The following COL3A1 variants were observed in gnomAD, a reference collection of about 807,000 sequenced individuals.
COL3A1 encodes the protein collagen alpha-1(III) chain.
Under a neutral mutation model 200.9 loss-of-function variants are expected in COL3A1, and 46 were observed. The observed-to-expected ratio is 0.23, with a 90% CI of 0.18 to 0.29. COL3A1 has a LOEUF of 0.29. Ranked by LOEUF, COL3A1 falls within the 10% of genes least tolerant of loss-of-function variation. The pLI, the probability that COL3A1 is intolerant of heterozygous loss-of-function variation, is 1.00. For missense variants in COL3A1, 1,367 were observed against 1,917.6 expected (o/e 0.71, Z 5.36); for synonymous variants, 650 against 628.0 (o/e 1.03, Z -0.52).
chr2:189,008,270 A>G, intron 47 of COL3A1, 128 bp downstream of exon 47: 1 of 810,104 alleles, frequency 1.2e-6, no homozygotes. Flanking sequence ...AAACTGAACA[A>G]TGACTTTAAG....
chr2:188,999,804 A>C, intron 31 of COL3A1, 38 bp from the exon 32 acceptor site: 1 of 1,577,300 alleles, frequency 6.3e-7, no homozygotes, highest in Non-Finnish European at 8.6e-7. Context: ...TTCACTGAAG[A>C]TACTTTGAAT....
Position 188,984,918 on chromosome 2 carries a change from C to T in COL3A1, c.238C>T (p.Pro80Ser). 1 of 1,613,100 alleles carries T rather than the reference C, an allele frequency of 6.2e-7. No individual in the cohort carries two copies. The highest frequency in any genetic ancestry group is 8.5e-7 in the Non-Finnish European group (1 of 1,179,392). Residue 80 changes from proline (P) to serine (S), a missense_variant, in exon 2 of 51, where the codon CCA becomes TCA. Physicochemically the swap from Pro to Ser is moderately conservative, Grantham distance 74. Around this residue, in one of 5 missense-constraint regions of COL3A1, gnomAD observed 462 missense variants for 681.4 expected, o/e 0.68. Coordinates refer to ENST00000304636, the MANE Select transcript of COL3A1 (RefSeq NM_000090.4). ...ATTAGACTGCCCCAACCCAGAAATT[C>T]CATTTGGAGAATGTTGTGCAGTTTG... ...QELDCPNPEI[P>S]FGECCAVCPQ...
At chr2:188,978,130 C>T (rs1687863536) in intron 1 of COL3A1, 1 of 319,758 alleles carries the variant, frequency 3.1e-6, no homozygotes, top group South Asian at 2.5e-5. Flanking sequence ...ATGTTGAATA[C>T]TCTTTAAGTG....
Position 188,974,507 on chromosome 2 carries a change from A to C in COL3A1, c.18A>C (p.Gln6His), listed in dbSNP as rs892404442. 6 of 1,614,030 alleles carry C rather than the reference A, an allele frequency of 3.7e-6. No homozygotes were observed. Among genetic ancestry groups the C allele is most frequent in the Admixed American group, 1.7e-5 (1 of 60,016 alleles). Residue 6 changes from glutamine (Q) to histidine (H), a missense_variant, in exon 1 of 51, where the codon CAA becomes CAC. Coordinates refer to ENST00000304636, the MANE Select transcript of COL3A1 (RefSeq NM_000090.4). ...ATTTAGACATGATGAGCTTTGTGCA[A>C]AAGGGGAGCTGGCTACTTCTCGCTC... The part of the protein sequence containing the change: MMSFV[Q>H]KGSWLLLALL...
At position 188,991,739 on chromosome 2, in the gene COL3A1, A is replaced by G; in HGVS notation, c.951+17A>G. On this transcript the variant is annotated intron_variant, in intron 13 of 50. Transcript: ENST00000304636. ...GGGGCTGCAGTGAGTATAGCTGCTA[A>G]CATCACACAATTACAACCCAAAGTG... 1 of 1,613,356 alleles carries G rather than the reference A, an allele frequency of 6.2e-7. No homozygotes were observed. The highest frequency in any genetic ancestry group is 8.5e-7 in the Non-Finnish European group (1 of 1,179,390).
intron 1 of COL3A1, among the ~76,000 whole-genome samples, chr2:188,978,777 G>C (rs751448493): frequency 3.0e-5 from 3 of 99,844 alleles, no homozygotes; most frequent in Non-Finnish European, 6.2e-5. Context: ...AAAAAAAAAA[G>C]ATCATATAGT....
At chr2:188,988,526 A>G (rs1258334538) in intron 6 of COL3A1, 64 bp from the exon 7 acceptor site, 1 of 1,140,244 alleles carries the variant, frequency 8.8e-7, no homozygotes, top group Admixed American at 1.8e-5. Flanking sequence ...CTTACTGTCA[A>G]GATGTAAATG....
intron 37 of COL3A1, 58 bp downstream of exon 37, chr2:189,003,522 A>G (rs1688518096): frequency 3.9e-6 from 6 of 1,538,090 alleles, no homozygotes; most frequent in Middle Eastern, 1.7e-4. Context: ...CAACCTGTAT[A>G]AAAGCTGCAT....
chr2:189,003,903 T>C (rs750657364), intron 38 of COL3A1, 79 bp from the exon 39 acceptor site: 4 of 1,574,966 alleles, frequency 2.5e-6, no homozygotes, highest in Non-Finnish European at 2.6e-6. Flanking sequence ...TCAAATAAAA[T>C]TATTTGAAGT....
rs933011142 is a variant in COL3A1, at chr2:189,008,294, C to T, written c.3525+152C>T. 1.2e-5 allele frequency: 9 copies of T among 733,522 alleles called. No homozygotes were observed. In the African/African-American group the frequency reaches 1.4e-4, roughly 11 times the overall value. 45.4% of individuals were successfully genotyped at this position (733,522 alleles called of 1,614,324 possible). On this transcript the variant is annotated intron_variant, in intron 47 of 50. Coordinates refer to ENST00000304636, the MANE Select transcript of COL3A1 (RefSeq NM_000090.4). ...AATGACTTTAAGACATTCTCCATCACATTAAAAATGTTTCTACCACACTAT... is the reference window on the plus strand; with the variant it reads ...AATGACTTTAAGACATTCTCCATCATATTAAAAATGTTTCTACCACACTAT...
At chr2:189,006,734 G>A (rs1011095013) in intron 43 of COL3A1, among the ~76,000 whole-genome samples, 1 of 152,116 alleles carries the variant, frequency 6.6e-6, no homozygotes, top group Non-Finnish European at 1.5e-5. Flanking sequence ...CAGGGCTCTT[G>A]CCCAACTTTT....
intron 1 of COL3A1, 58 bp from the exon 2 acceptor site, chr2:188,984,701 CA>C (rs1031693470): frequency 1.6e-4 from 245 of 1,515,672 alleles, no homozygotes; most frequent in Non-Finnish European, 1.8e-4. Context: ...AACAGAGTAA[CA>C]AAAATCACCT....
intron 28 of COL3A1, 44 bp from the exon 29 acceptor site, chr2:188,998,630 A>G (rs759551168): frequency 1.3e-6 from 2 of 1,583,292 alleles, no homozygotes; most frequent in East Asian, 2.2e-5. Flanking sequence ...TTTACATAAA[A>G]TGCACTCTGA....
chr2:188,999,423 G>C lies in COL3A1; in HGVS notation c.2121+40G>C, dbSNP rs190260931. The C allele has an allele frequency of 1.9e-6, 3 of 1,613,872 alleles. No individual in the cohort carries two copies. The East Asian group carries it at 6.7e-5, about 36-fold the overall frequency. ...TTCCATTCACCTAGGTTTAAAAAAT[G>C]CATTTGATTTCCTTCTGATCATTTA... On this transcript the variant is annotated intron_variant, in intron 30 of 50. Transcript: ENST00000304636.
Position 189,010,301 on chromosome 2 carries a change from G to C in COL3A1, c.3947G>C (p.Trp1316Ser). 6.2e-7 allele frequency: 1 copy of C among 1,614,152 alleles called. No homozygotes were observed. The highest frequency in any genetic ancestry group is 8.5e-7 in the Non-Finnish European group (1 of 1,180,000). ...NPLNVPRKHW[W>S]TDSSAEKKHV... ...TTGAATGTTCCACGGAAACACTGGT[G>C]GACAGATTCTAGTGCTGAGAAGAAA... is the stretch of plus-strand genomic sequence containing the variant. The change falls in exon 49 of 51, where the codon TGG becomes TCG. Residue 1316 changes from tryptophan to serine, a missense_variant. Physicochemically the swap from Trp to Ser is radical, Grantham distance 177. Transcript: ENST00000304636.
Position 189,004,067 on chromosome 2 carries a change from G to A in COL3A1, c.2747G>A (p.Ser916Asn). Residue 916 changes from serine to asparagine, a missense_variant, in exon 39 of 51, where the codon AGC becomes AAC. Coordinates refer to ENST00000304636, the MANE Select transcript of COL3A1 (RefSeq NM_000090.4). ...GCGGGTAACACTGGTGCTCCTGGCA[G>A]CCCTGGAGTGTCTGGACCAAAAGGT... ...GPAGNTGAPG[S>N]PGVSGPKGDA... is the part of the protein sequence containing the mutation. 1 of 1,613,380 alleles carries A rather than the reference G, an allele frequency of 6.2e-7. No individual in the cohort carries two copies. The highest frequency in any genetic ancestry group is 8.5e-7 in the Non-Finnish European group (1 of 1,179,972).
At chr2:189,010,608 A>G (rs1480341551) in intron 49 of COL3A1, 40 bp from the exon 50 acceptor site, 5 of 1,613,688 alleles carry the variant, frequency 3.1e-6, no homozygotes, top group East Asian at 4.5e-5. Context: ...TGCAGTTACA[A>G]CTGAAATGTT....
intron 31 of COL3A1, 76 bp downstream of exon 31, chr2:188,999,653 G>C: frequency 7.4e-7 from 1 of 1,344,842 alleles, no homozygotes; most frequent in Non-Finnish European, 1.0e-6. Context: ...CTCCTGGAAA[G>C]TAATCGACTG....
intron 22 of COL3A1, 57 bp downstream of exon 22, chr2:188,995,847 C>G (rs894505767): frequency 7.3e-7 from 1 of 1,371,134 alleles, no homozygotes; most frequent in South Asian, 1.3e-5. Flanking sequence ...AAAGGCAAGA[C>G]AAATGAAGAC....
Sources: allele counts gnomAD v4.1 joint callset (sites outside exome capture counted in the v4.1 genomes callset), GRCh38; gene constraint gnomAD v4.1.1; regional missense constraint gnomAD v4.1.1; transcripts MANE v1.5; gene names NCBI Gene and HGNC (gene_info 2026-07-23, HGNC 2026-07-21).